MAGI1: variants seen among roughly 807,000 people sequenced by gnomAD.
MAGI1 encodes membrane-associated guanylate kinase, WW and PDZ domain-containing protein 1.
MAGI1 carries 58 observed loss-of-function variants against 139.9 expected under a neutral mutation model. The ratio of observed to expected loss-of-function variants is 0.41; its 90% CI spans 0.34 to 0.52. The LOEUF (loss-of-function observed/expected upper bound fraction) is 0.52. MAGI1 is among the 20% of genes least tolerant of loss of function. MAGI1 has a pLI of 0.12. For synonymous variants in MAGI1, 812 were observed against 737.9 expected, an observed-to-expected ratio of 1.10 and a Z score of -1.63; for missense variants, 1,874 against 1,901.6, an observed-to-expected ratio of 0.99 and a Z score of 0.27.
chr3:65,570,255 C>T (rs538459711), intron 2 of MAGI1, among the ~76,000 whole-genome samples: 2 of 151,868 alleles, frequency 1.3e-5, no homozygotes, highest in East Asian at 3.9e-4. Context: ...ACATGCACCA[C>T]TATATCCAGC....
rs548373165 is a variant in MAGI1, at chr3:65,399,473, G to A, written c.2199+1966C>T. Among the ~76,000 whole-genome samples the A allele has an allele frequency of 1.1e-4, 16 of 152,308 alleles. No homozygotes were observed. The South Asian group carries it at 1.9e-3, about 18-fold the overall frequency. ...CCCAAATTTTGTACAGCAACTGCCAGTGTGTGCCAGCAATGCTGTGAAAAC... is the reference window on the plus strand; with the variant it reads ...CCCAAATTTTGTACAGCAACTGCCAATGTGTGCCAGCAATGCTGTGAAAAC... On this transcript the variant is annotated intron_variant, in intron 13 of 22. Coordinates refer to ENST00000402939, the MANE Select transcript of MAGI1 (RefSeq NM_001033057.2).
chr3:65,915,488 C>A (rs1483722891), intron 1 of MAGI1, among the ~76,000 whole-genome samples: 1 of 152,202 alleles, frequency 6.6e-6, no homozygotes, highest in East Asian at 1.9e-4. Flanking sequence ...TGGCTGCTTT[C>A]TCCTACAGAA....
intron 1 of MAGI1, among the ~76,000 whole-genome samples, chr3:65,865,241 A>G (rs1324040210): frequency 6.6e-6 from 1 of 152,138 alleles, no homozygotes; most frequent in African/African-American, 2.4e-5. Context: ...TACCAAATAA[A>G]TAGTCTAGGA....
intron 1 of MAGI1, among the ~76,000 whole-genome samples, chr3:65,632,775 T>C (rs201177685): frequency 6.6e-6 from 1 of 152,222 alleles, no homozygotes; most frequent in Non-Finnish European, 1.5e-5. Context: ...GGCAGATTTG[T>C]CCCTTGGGCC....
intron 1 of MAGI1, among the ~76,000 whole-genome samples, chr3:65,712,060 A>G (rs2031513161): frequency 6.6e-6 from 1 of 152,178 alleles, no homozygotes. Flanking sequence ...AGTGCCTAGC[A>G]AATGGTTGGC....
intron 1 of MAGI1, among the ~76,000 whole-genome samples, chr3:66,009,373 G>C (rs558944923): frequency 7.2e-5 from 11 of 152,224 alleles, no homozygotes; most frequent in African/African-American, 2.6e-4. Context: ...AGCCGGGCGT[G>C]GTGGCCGGTG....
chr3:65,481,432 A>G (rs557797869), intron 3 of MAGI1, among the ~76,000 whole-genome samples: 3 of 152,366 alleles, frequency 2.0e-5, no homozygotes, highest in Admixed American at 6.5e-5. Context: ...GAAGTTTAGG[A>G]AAGTATGATG....
chr3:65,704,955 C>T (rs532909467), intron 1 of MAGI1, among the ~76,000 whole-genome samples: 8 of 152,168 alleles, frequency 5.3e-5, no homozygotes, highest in South Asian at 4.2e-4. Flanking sequence ...GACTCCTCCG[C>T]GGTTTCCTCA....
rs34812640 is a variant in MAGI1 at position 65,854,176 on chromosome 3, T to TA, written c.313+183819dup. On this transcript the variant is annotated intron_variant, in intron 1 of 22. Coordinates refer to ENST00000402939, the MANE Select transcript of MAGI1 (RefSeq NM_001033057.2). Reference sequence around the variant, plus strand: ...AATTCTAATCTTTTATTTAAAGGTTTAAAAAAAAAAAAAAAAGCATCGGCT... The same window carrying TA: ...AATTCTAATCTTTTATTTAAAGGTTTAAAAAAAAAAAAAAAAAGCATCGGCT... Among the ~76,000 whole-genome samples, 903 of 139,264 alleles carry TA rather than the reference T, an allele frequency of 6.5e-3. 5 individuals are homozygous for TA. Among genetic ancestry groups the TA allele is most frequent in the East Asian group, 0.019 (91 of 4,818 alleles). The allele number at this position is 139,264 out of a possible 152,430, so 91.4% of individuals were successfully genotyped here.
chr3:65,629,588 G>T (rs1203898996), intron 1 of MAGI1, among the ~76,000 whole-genome samples: 3 of 150,074 alleles, frequency 2.0e-5, no homozygotes, highest in Non-Finnish European at 4.4e-5. Context: ...CATCAGTTCA[G>T]CACTTCAGTT....
At chr3:65,873,622 T>C (rs2060012234) in intron 1 of MAGI1, 1 of 152,190 alleles carries the variant, frequency 6.6e-6, no homozygotes, top group Non-Finnish European at 1.5e-5. Context: ...TATTACACTT[T>C]GTGGGAGAGA....
At chr3:65,767,627 A>AT (rs1358125889) in intron 1 of MAGI1, among the ~76,000 whole-genome samples, 1 of 152,166 alleles carries the variant, frequency 6.6e-6, no homozygotes, top group East Asian at 1.9e-4. Flanking sequence ...GTTACATGAA[A>AT]TTTACGTTAG....
chr3:65,425,109 A>G (rs569648570), intron 12 of MAGI1, among the ~76,000 whole-genome samples: 5 of 31,156 alleles, frequency 1.6e-4, no homozygotes, highest in African/African-American at 5.0e-4. Flanking sequence ...TAGAACTTCT[A>G]AAAAAAAAAA....
chr3:65,728,766 C>G (rs1365314023), intron 1 of MAGI1, among the ~76,000 whole-genome samples: 1 of 151,996 alleles, frequency 6.6e-6, no homozygotes, highest in Non-Finnish European at 1.5e-5. Context: ...ATTCTTAACA[C>G]TTTTTTTAAA....
intron 1 of MAGI1, among the ~76,000 whole-genome samples, chr3:65,896,695 T>A (rs1166950315): frequency 6.6e-6 from 1 of 151,972 alleles, no homozygotes; most frequent in Non-Finnish European, 1.5e-5. Context: ...ACAAACAAAC[T>A]GGAAACAACC....
intron 1 of MAGI1, among the ~76,000 whole-genome samples, chr3:65,752,546 G>C (rs571697071): frequency 6.6e-6 from 1 of 152,142 alleles, no homozygotes; most frequent in African/African-American, 2.4e-5. Flanking sequence ...TAATCTCAGA[G>C]GTATAATTTC....
At chr3:66,004,308 G>T (rs1019829591) in intron 1 of MAGI1, among the ~76,000 whole-genome samples, 13 of 152,194 alleles carry the variant, frequency 8.5e-5, no homozygotes, top group Non-Finnish European at 1.8e-4. Context: ...GGGGTGACTT[G>T]ATGGCTAAAG....
chr3:65,839,488 G>A (rs921562530), intron 1 of MAGI1, among the ~76,000 whole-genome samples: 1 of 151,982 alleles, frequency 6.6e-6, no homozygotes, highest in Non-Finnish European at 1.5e-5. Flanking sequence ...TACAGGAAAT[G>A]ACCGCTCCAT....
chr3:65,549,980 C>A (rs1383366602), intron 2 of MAGI1, among the ~76,000 whole-genome samples: 4 of 152,150 alleles, frequency 2.6e-5, no homozygotes, highest in Admixed American at 6.5e-5. Context: ...CCAAAAAATT[C>A]TCTTCTGGTA....
Sources: allele counts gnomAD v4.1 joint callset (sites outside exome capture counted in the v4.1 genomes callset), GRCh38; gene constraint gnomAD v4.1.1; transcripts MANE v1.5; gene names NCBI Gene and HGNC (gene_info 2026-07-23, HGNC 2026-07-21).